The following ACOT11 variants were observed in gnomAD, a reference collection of about 807,000 sequenced individuals.
The protein encoded by ACOT11 is acyl-coenzyme A thioesterase 11.
In ACOT11, 69 loss-of-function variants were observed where a neutral mutation model predicts 77.5. That is an observed-to-expected ratio of 0.89 (90% CI 0.73 to 1.09). The LOEUF (loss-of-function observed/expected upper bound fraction) is 1.09. ACOT11 is among the 50% of genes least tolerant of loss of function. The pLI is 0.00. For missense variants in ACOT11, 766 were observed against 813.7 expected (o/e 0.94, Z 0.71); for synonymous variants, 279 against 313.0 (o/e 0.89, Z 1.15).
intron 13 of ACOT11, among the ~76,000 whole-genome samples, chr1:54,606,563 C>T (rs1201336643): frequency 1.3e-5 from 2 of 152,146 alleles, no homozygotes; most frequent in Non-Finnish European, 2.9e-5. Context: ...CTGGACACAC[C>T]CCAGCCCTGC....
At chr1:54,592,388 G>A (rs1247669875) in intron 3 of ACOT11, among the ~76,000 whole-genome samples, 158 bp from the exon 4 acceptor site, 9 of 152,198 alleles carry the variant, frequency 5.9e-5, no homozygotes, top group Admixed American at 4.6e-4. Flanking sequence ...TTGCTAGCTG[G>A]CTTTGAGGAC....
intron 11 of ACOT11, 71 bp downstream of exon 11, chr1:54,604,008 C>T (rs574207288): frequency 2.3e-5 from 33 of 1,454,156 alleles, no homozygotes; most frequent in Middle Eastern, 3.5e-4. Flanking sequence ...CTTGTCAGAA[C>T]GGGTTTGGAG....
rs146631039 is a variant in ACOT11 at position 54,609,363 on chromosome 1, A to G, written c.*251A>G. The stretch of plus-strand genomic sequence containing the variant: ...CTGTCCACAGCCCTAGCTGCCAGCA[A>G]TGCTGTCCTCACAGAGGCATAGTCG... On this transcript the variant is annotated 3_prime_UTR_variant, in exon 16 of 16. Transcript: ENST00000343744. The G allele has an allele frequency of 7.3e-4, 1,181 of 1,614,134 alleles. No homozygotes were observed. Among genetic ancestry groups the G allele is most frequent in the Non-Finnish European group, 9.1e-4 (1,070 of 1,180,012 alleles).
In ACOT11 at chr1:54,616,099, G is replaced by T. The variant is rs139479416; in HGVS notation, c.1629+8031G>T. On this transcript the variant is annotated intron_variant, in intron 15 of 16. Transcript: ENST00000371316. ...TGTAGATAGTGGGGGGGTGTGCCAT[G>T]ATGGGAACTCCTGTCTCATTGGCTG... 14 of 1,614,054 alleles carry T rather than the reference G, an allele frequency of 8.7e-6. No homozygotes were observed. In the African/African-American group the frequency reaches 1.6e-4, roughly 18 times the overall value.
At chr1:54,562,452 C>G (rs1653553070) in intron 1 of ACOT11, among the ~76,000 whole-genome samples, 1 of 88,772 alleles carries the variant, frequency 1.1e-5, no homozygotes, top group Non-Finnish European at 2.2e-5. Context: ...GGCTGATCCC[C>G]CCACCTCCCT....
chr1:54,592,563 A>G lies in ACOT11; in HGVS notation c.329A>G (p.Asn110Ser). ...CTCCCCAGTGTTGGACAAGTGGTGA[A>G]TATCAAGGCCAAGGTGAACCGGGCC... ...EHTISVGQVV[N>S]IKAKVNRAFN... Residue 110 changes from asparagine (N) to serine (S), a missense_variant, in exon 4 of 16, where the codon AAT becomes AGT. Physicochemically the swap from Asn to Ser is conservative, Grantham distance 46 (BLOSUM62 1). Coordinates refer to ENST00000343744, the MANE Select transcript of ACOT11 (RefSeq NM_147161.4). 6.2e-7 allele frequency: 1 copy of G among 1,613,014 alleles called. No individual in the cohort carries two copies. The highest frequency in any genetic ancestry group is 8.5e-7 in the Non-Finnish European group (1 of 1,179,524).
In ACOT11 at chr1:54,609,256, AC is replaced by A; in HGVS notation, c.*148del. 6.3e-7 allele frequency: 1 copy of A among 1,596,912 alleles called. No homozygotes were observed. The highest frequency in any genetic ancestry group is 8.6e-7 in the Non-Finnish European group (1 of 1,169,354). ...CCGCCCTGAGGTCCGCTGGCCCACC[AC>A]CCCTGGGTGCTCAGTTTCTACCAAC... On this transcript the variant is annotated 3_prime_UTR_variant, in exon 16 of 16. Coordinates refer to ENST00000343744, the MANE Select transcript of ACOT11 (RefSeq NM_147161.4).
chr1:54,577,259 C>T (rs1219328317), intron 1 of ACOT11, among the ~76,000 whole-genome samples: 1 of 152,218 alleles, frequency 6.6e-6, no homozygotes, highest in Admixed American at 6.5e-5. Flanking sequence ...ATTTCCATCA[C>T]ACTAAAGTAC....
intron 1 of ACOT11, among the ~76,000 whole-genome samples, chr1:54,568,069 C>T (rs938274450): frequency 1.3e-5 from 2 of 152,170 alleles, no homozygotes; most frequent in Non-Finnish European, 2.9e-5. Context: ...CCCTGTTCTT[C>T]CTCTGACAGC....
chr1:54,585,767 T>G, intron 2 of ACOT11, 68 bp from the exon 3 acceptor site: 3 of 1,542,978 alleles, frequency 1.9e-6, no homozygotes, highest in Non-Finnish European at 1.8e-6. Context: ...CCTGAGGAGG[T>G]GCCATCTGAG....
rs746040878 is a variant in ACOT11 at position 54,607,978 on chromosome 1, G to A, written c.1539G>A (p.Leu513=). The A allele has an allele frequency of 6.3e-5, 102 of 1,613,726 alleles. No individual in the cohort carries two copies. The Admixed American group carries it at 1.6e-3, about 26-fold the overall frequency. Residue 513 remains leucine (L), a synonymous_variant, in exon 15 of 16, where the codon CTG becomes CTA. Transcript: ENST00000343744. This position sits in a 1 kb window ranked among gnomAD's most constrained non-coding sequence, Gnocchi z 4.5. ...PYVIALRSVT[L]PTHRETPEYR... is the part of the protein sequence containing the mutation. ...TCATCGCGCTGAGGTCGGTCACGCT[G>A]CCCACACACCGAGAGACGCCAGAGT...
intron 5 of ACOT11, 124 bp from the exon 6 acceptor site, chr1:54,594,432 A>G: frequency 7.7e-7 from 1 of 1,295,830 alleles, no homozygotes; most frequent in Non-Finnish European, 1.0e-6. Flanking sequence ...AAGCCTTGGA[A>G]CTGAGCAGCA....
chr1:54,596,440 C>A (rs1654901199), intron 6 of ACOT11, among the ~76,000 whole-genome samples: 1 of 152,262 alleles, frequency 6.6e-6, no homozygotes, highest in Non-Finnish European at 1.5e-5. Flanking sequence ...AAGCCCAGGA[C>A]CCCATGCACT....
intron 9 of ACOT11, 47 bp downstream of exon 9, chr1:54,601,460 C>A (rs369886253): frequency 3.1e-6 from 5 of 1,591,162 alleles, no homozygotes; most frequent in Non-Finnish European, 4.3e-6. Context: ...CCCTCCCCTC[C>A]CTCTCTGCCC....
At chr1:54,578,398 C>G (rs1265740928) in intron 1 of ACOT11, among the ~76,000 whole-genome samples, 5 of 152,196 alleles carry the variant, frequency 3.3e-5, no homozygotes, top group African/African-American at 9.7e-5. Flanking sequence ...GGCCCCACCC[C>G]CTGAAAAGCA....
At chr1:54,623,058 C>G (rs952927258) in intron 15 of ACOT11, among the ~76,000 whole-genome samples, 5 of 151,896 alleles carry the variant, frequency 3.3e-5, no homozygotes, top group African/African-American at 1.2e-4. Context: ...TGCCTGTAAT[C>G]CCAGCTACTC....
chr1:54,555,220 A>G (rs1213166736), intron 1 of ACOT11, among the ~76,000 whole-genome samples: 1 of 152,164 alleles, frequency 6.6e-6, no homozygotes, highest in Non-Finnish European at 1.5e-5. Context: ...TGGCCTCCCA[A>G]AGTGCTGGGA....
chr1:54,637,915 C>CA (rs1295672453), exon 17 of ACOT11: 3 of 151,834 alleles, frequency 2.0e-5, no homozygotes, highest in Non-Finnish European at 4.4e-5. Context: ...AGGAAAAATA[C>CA]AAAAAAATCC....
At chr1:54,617,099 C>T (rs1364264496) in intron 15 of ACOT11, among the ~76,000 whole-genome samples, 4 of 152,358 alleles carry the variant, frequency 2.6e-5, no homozygotes, top group South Asian at 4.1e-4. Context: ...CTCACCACAT[C>T]ATCACTGACA....
Sources: gnomAD v4.1 joint callset for allele counts (sites outside exome capture counted in the v4.1 genomes callset) on GRCh38, gnomAD v4.1.1 for gene constraint, Gnocchi (gnomAD v3.1) non-coding constraint, MANE v1.5 for transcripts, NCBI Gene and HGNC (gene_info 2026-07-23, HGNC 2026-07-21) for gene names.